Variants in SLC41A2 observed in about 807,000 individuals in gnomAD.
The protein encoded by SLC41A2 is solute carrier family 41 member 2, also known as SLC41A1-like 1.
In SLC41A2, 32 loss-of-function variants were observed where a neutral mutation model predicts 58.3. The observed-to-expected ratio is 0.55, with a 90% CI of 0.41 to 0.74. The LOEUF (loss-of-function observed/expected upper bound fraction) is 0.74. SLC41A2 is among the 30% of genes least tolerant of loss of function. The probability of loss-of-function intolerance (pLI) is 0.00; values close to 1 mark genes in which losing one functional copy is unlikely to be tolerated. For missense variants in SLC41A2, 514 were observed against 680.6 expected, an observed-to-expected ratio of 0.76 and a Z score of 2.72; for synonymous variants, 190 against 235.0, an observed-to-expected ratio of 0.81 and a Z score of 1.75.
chr12:104,917,017 T>C (rs1373565969), intron 2 of SLC41A2, among the ~76,000 whole-genome samples: 2 of 150,034 alleles, frequency 1.3e-5, no homozygotes, highest in East Asian at 3.9e-4. Context: ...CAAAAGAAAC[T>C]ACCATCAGAG....
chr12:104,805,575 T>C (rs1279831186), intron 10 of SLC41A2, among the ~76,000 whole-genome samples: 1 of 152,204 alleles, frequency 6.6e-6, no homozygotes, highest in African/African-American at 2.4e-5. Context: ...GATCTCATTC[T>C]AGCCTCCCAA....
intron 10 of SLC41A2, among the ~76,000 whole-genome samples, chr12:104,839,452 G>C (rs2042326987): frequency 6.6e-6 from 1 of 151,656 alleles, no homozygotes; most frequent in Admixed American, 6.6e-5. Flanking sequence ...ATTTACATTT[G>C]TGATCACCCA....
chr12:104,865,496 T>C (rs960205202), intron 7 of SLC41A2, among the ~76,000 whole-genome samples: 3 of 152,182 alleles, frequency 2.0e-5, no homozygotes, highest in African/African-American at 7.2e-5. Context: ...CTTGATGCCT[T>C]TAATTCCTCT....
chr12:104,865,882 G>A (rs757218361), intron 7 of SLC41A2, among the ~76,000 whole-genome samples: 7 of 151,960 alleles, frequency 4.6e-5, no homozygotes, highest in African/African-American at 9.7e-5. Flanking sequence ...GATCAATACC[G>A]TATTGCAAGA....
At chr12:104,879,240 T>C (rs2044231174) in intron 6 of SLC41A2, among the ~76,000 whole-genome samples, 1 of 152,228 alleles carries the variant, frequency 6.6e-6, no homozygotes, top group Admixed American at 6.5e-5. Context: ...TTGCAAAAAT[T>C]TTCTCCCATT....
At chr12:104,811,368 A>G (rs1204691389) in intron 10 of SLC41A2, among the ~76,000 whole-genome samples, 2 of 152,170 alleles carry the variant, frequency 1.3e-5, no homozygotes, top group Non-Finnish European at 2.9e-5. Flanking sequence ...ATAAATCAAC[A>G]TGAATATATC....
chr12:104,938,765 A>T (rs1456832091), intron 1 of SLC41A2, among the ~76,000 whole-genome samples: 1 of 152,228 alleles, frequency 6.6e-6, no homozygotes, highest in African/African-American at 2.4e-5. Flanking sequence ...TCACAGCATG[A>T]CCTAACAAAA....
At chr12:104,935,986 T>C (rs1028326143) in intron 1 of SLC41A2, among the ~76,000 whole-genome samples, 2 of 150,940 alleles carry the variant, frequency 1.3e-5, no homozygotes, top group Non-Finnish European at 2.9e-5. Flanking sequence ...GAGGTTGCAG[T>C]GAGCCAAGGT....
intron 1 of SLC41A2, among the ~76,000 whole-genome samples, chr12:104,937,000 C>G (rs2047309641): frequency 6.6e-6 from 1 of 152,166 alleles, no homozygotes; most frequent in South Asian, 2.1e-4. Flanking sequence ...AATCCCAACA[C>G]TTTGGGAGGC....
chr12:104,834,613 C>A (rs1201512864), intron 10 of SLC41A2, among the ~76,000 whole-genome samples: 1 of 151,594 alleles, frequency 6.6e-6, no homozygotes, highest in African/African-American at 2.4e-5. Context: ...CTGTTTAAAT[C>A]TCCTGGTTGC....
intron 8 of SLC41A2, among the ~76,000 whole-genome samples, chr12:104,847,831 C>T (rs747945923): frequency 2.6e-5 from 4 of 151,950 alleles, no homozygotes; most frequent in Admixed American, 1.3e-4. Flanking sequence ...CATTCAATGT[C>T]GTTGTATTAT....
intron 1 of SLC41A2, 98 bp from the exon 2 acceptor site, chr12:104,928,792 T>A (rs1036288362): frequency 1.8e-5 from 5 of 281,222 alleles, no homozygotes; most frequent in Non-Finnish European, 3.3e-5. Context: ...AAAACACATG[T>A]TCTTAAACCA....
At chr12:104,812,549 G>GCACT (rs1265591807) in intron 10 of SLC41A2, among the ~76,000 whole-genome samples, 1 of 152,116 alleles carries the variant, frequency 6.6e-6, no homozygotes, top group Non-Finnish European at 1.5e-5. Context: ...AGTAATGCAT[G>GCACT]CACTCAGAAA....
intron 2 of SLC41A2, among the ~76,000 whole-genome samples, chr12:104,922,153 A>C (rs1335933038): frequency 6.6e-6 from 1 of 152,168 alleles, no homozygotes; most frequent in African/African-American, 2.4e-5. Context: ...CAAAATGTCA[A>C]TTGTAAGTCC....
intron 10 of SLC41A2, chr12:104,834,074 CT>C: frequency 1.0e-6 from 1 of 985,360 alleles, no homozygotes; most frequent in South Asian, 4.7e-5. Context: ...GAAAAGAGCT[CT>C]TTCCCAATGC....
chr12:104,848,896 C>CCACA (rs3039361), intron 8 of SLC41A2, among the ~76,000 whole-genome samples: 3,042 of 147,172 alleles, frequency 0.021, 94 homozygotes, highest in African/African-American at 0.069. Context: ...AACTTGATAA[C>CCACA]CACACACACA....
intron 10 of SLC41A2, among the ~76,000 whole-genome samples, chr12:104,841,404 A>G (rs969782280): frequency 1.3e-5 from 2 of 151,862 alleles, no homozygotes; most frequent in Non-Finnish European, 2.9e-5. Flanking sequence ...AAGGAGATGG[A>G]GCTGGCAAGA....
intron 7 of SLC41A2, among the ~76,000 whole-genome samples, chr12:104,863,340 C>T (rs1270105730): frequency 6.6e-6 from 1 of 151,970 alleles, no homozygotes; most frequent in Non-Finnish European, 1.5e-5. Flanking sequence ...GAAACTGAGG[C>T]AGGAGGGTTG....
At chr12:104,845,522 T>C (rs1157034290) in intron 9 of SLC41A2, among the ~76,000 whole-genome samples, 1 of 152,096 alleles carries the variant, frequency 6.6e-6, no homozygotes, top group East Asian at 1.9e-4. Context: ...AAGGCCAAAA[T>C]AATAATATAG....
Sources: gnomAD v4.1 joint callset for allele counts (sites outside exome capture counted in the v4.1 genomes callset) on GRCh38, gnomAD v4.1.1 for gene constraint, MANE v1.5 for transcripts, NCBI Gene and HGNC (gene_info 2026-07-23, HGNC 2026-07-21) for gene names.